LHFPL3: variants seen among roughly 807,000 people sequenced by gnomAD.
The protein encoded by LHFPL3 is LHFPL tetraspan subfamily member 3 protein.
LHFPL3 carries 5 observed loss-of-function variants against 19.3 expected under a neutral mutation model. The observed-to-expected ratio is 0.26, with a 90% CI of 0.14 to 0.54. LHFPL3 has a LOEUF of 0.54. Among genes scored for constraint, LHFPL3 ranks in the 20% least tolerant of loss-of-function variants. The pLI, the probability that LHFPL3 is intolerant of heterozygous loss-of-function variation, is 0.94. For synonymous variants in LHFPL3, 133 were observed against 126.2 expected, an observed-to-expected ratio of 1.05 and a Z score of -0.36; for missense variants, 249 against 307.4, an observed-to-expected ratio of 0.81 and a Z score of 1.42.
intron 1 of LHFPL3, among the ~76,000 whole-genome samples, chr7:104,474,775 A>G (rs1481041425): frequency 6.6e-6 from 1 of 152,144 alleles, no homozygotes; most frequent in Non-Finnish European, 1.5e-5. Flanking sequence ...GAATGAAATA[A>G]ATACTGAAAA....
intron 2 of LHFPL3, among the ~76,000 whole-genome samples, chr7:104,896,784 T>C (rs1459918322): frequency 6.6e-6 from 1 of 151,934 alleles, no homozygotes; most frequent in African/African-American, 2.4e-5. Context: ...AAGGTATCAC[T>C]GCTAAAAAGT....
Position 104,427,881 on chromosome 7 carries a change from T to TAAAC in LHFPL3, c.445+98657_445+98658insAAAC, listed in dbSNP as rs879708423. ...CTCAAAACACCTCGTGCATCAGTTTTTGCTGGTGATGAGCATCAGGAATGA... is the reference window on the plus strand; with the variant it reads ...CTCAAAACACCTCGTGCATCAGTTTTAAACTGCTGGTGATGAGCATCAGGAATGA... On this transcript the variant is annotated intron_variant, in intron 1 of 2. Transcript: ENST00000424859. Among the ~76,000 whole-genome samples, 404 of 152,354 alleles carry TAAAC rather than the reference T, an allele frequency of 2.7e-3. 12 individuals are homozygous for TAAAC. Among genetic ancestry groups the TAAAC allele is most frequent in the Admixed American group, 0.023 (351 of 15,310 alleles).
chr7:104,887,546 T>G (rs1360297469), intron 2 of LHFPL3, among the ~76,000 whole-genome samples: 2 of 152,218 alleles, frequency 1.3e-5, no homozygotes, highest in African/African-American at 4.8e-5. Context: ...GGGATGGTGA[T>G]TCCCTGGCAT....
intron 1 of LHFPL3, among the ~76,000 whole-genome samples, chr7:104,696,000 G>A (rs1205284634): frequency 6.6e-6 from 1 of 152,082 alleles, no homozygotes. Context: ...GCCCAGACTG[G>A]AGTGCAGTGG....
At chr7:104,414,173 T>G (rs1227837465) in intron 1 of LHFPL3, among the ~76,000 whole-genome samples, 1 of 152,120 alleles carries the variant, frequency 6.6e-6, no homozygotes, top group Admixed American at 6.5e-5. Context: ...GTATGAATAG[T>G]AGATGGAGAA....
In LHFPL3 at chr7:104,848,908, T is replaced by TTTG. The variant is rs576172307; in HGVS notation, c.683-57259_683-57257dup. Among the ~76,000 whole-genome samples the TTTG allele has an allele frequency of 8.8e-3, 1,323 of 151,126 alleles. 8 individuals carry two copies. Among genetic ancestry groups the TTTG allele is most frequent in the Admixed American group, 0.011 (173 of 15,240 alleles). Reference sequence around the variant, plus strand: ...CTTTTTTTGTTTTTTTGGTTTTTTTTTTGTTGTTGTTGTTGTTGTTGTAGA... The same window carrying TTTG: ...CTTTTTTTGTTTTTTTGGTTTTTTTTTTGTTGTTGTTGTTGTTGTTGTTGTAGA... On this transcript the variant is annotated intron_variant, in intron 2 of 2. Transcript: ENST00000424859.
At chr7:104,868,635 A>T (rs2116653582) in intron 2 of LHFPL3, among the ~76,000 whole-genome samples, 2 of 152,350 alleles carry the variant, frequency 1.3e-5, no homozygotes, top group South Asian at 4.1e-4. Flanking sequence ...AATATCGTGA[A>T]AATGGCCATA....
chr7:104,336,879 A>G (rs1014839051), intron 1 of LHFPL3, among the ~76,000 whole-genome samples: 5 of 152,040 alleles, frequency 3.3e-5, no homozygotes, highest in Non-Finnish European at 5.9e-5. Flanking sequence ...ATCTGAAAAG[A>G]GGCCCTAACT....
intron 1 of LHFPL3, among the ~76,000 whole-genome samples, chr7:104,672,910 A>C (rs1792513846): frequency 6.6e-6 from 1 of 150,910 alleles, no homozygotes. Flanking sequence ...TTTTTTCTCC[A>C]CTCAATCACT....
At chr7:104,521,559 GCTT>G (rs1794064150) in intron 1 of LHFPL3, among the ~76,000 whole-genome samples, 1 of 151,968 alleles carries the variant, frequency 6.6e-6, no homozygotes, top group Admixed American at 6.6e-5. Flanking sequence ...AAACTAAAGA[GCTT>G]CTGCACAGCA....
At chr7:104,698,703 G>A (rs1318688882) in intron 1 of LHFPL3, among the ~76,000 whole-genome samples, 2 of 152,070 alleles carry the variant, frequency 1.3e-5, no homozygotes, top group East Asian at 3.9e-4. Flanking sequence ...ATACATTATG[G>A]TACATCCAGA....
chr7:104,461,597 C>T (rs751521933), intron 1 of LHFPL3, among the ~76,000 whole-genome samples: 3 of 151,940 alleles, frequency 2.0e-5, no homozygotes, highest in Non-Finnish European at 4.4e-5. Flanking sequence ...ATGTTGTTTT[C>T]GTTACTGTAG....
intron 1 of LHFPL3, among the ~76,000 whole-genome samples, chr7:104,335,546 A>G (rs1396068291): frequency 6.6e-6 from 1 of 152,242 alleles, no homozygotes; most frequent in African/African-American, 2.4e-5. Context: ...TTAAGAAAAC[A>G]TCTGTGAAAA....
Position 104,459,077 on chromosome 7 carries a change from G to A in LHFPL3, c.445+129853G>A, listed in dbSNP as rs75683366. Among the ~76,000 whole-genome samples, 846 of 152,328 alleles carry A rather than the reference G, an allele frequency of 5.6e-3. 50 individuals are homozygous for A. The East Asian group carries it at 0.13, about 24-fold the overall frequency. On this transcript the variant is annotated intron_variant, in intron 1 of 2. Coordinates refer to ENST00000424859, the MANE Select transcript of LHFPL3 (RefSeq NM_199000.3). ...CATAGCACCAGGACCTCTGGGTAGCGCTTCTGCTCTGGCAGCTCAAGGTGG... is the reference window on the plus strand; with the variant it reads ...CATAGCACCAGGACCTCTGGGTAGCACTTCTGCTCTGGCAGCTCAAGGTGG...
At chr7:104,729,515 T>G (rs1414553052) in intron 1 of LHFPL3, among the ~76,000 whole-genome samples, 2 of 152,086 alleles carry the variant, frequency 1.3e-5, no homozygotes, top group Non-Finnish European at 2.9e-5. Flanking sequence ...CAGTCTCTAC[T>G]TATCCTTCTT....
intron 1 of LHFPL3, among the ~76,000 whole-genome samples, chr7:104,607,711 A>T (rs1791129713): frequency 6.6e-6 from 1 of 152,160 alleles, no homozygotes; most frequent in South Asian, 2.1e-4. Context: ...TGAATAGGCA[A>T]CCTACAAAAT....
At chr7:104,762,039 T>C (rs111820273) in intron 2 of LHFPL3, among the ~76,000 whole-genome samples, 1,714 of 152,266 alleles carry the variant, frequency 0.011, 26 homozygotes, top group East Asian at 0.054. Context: ...TAAAATGCAG[T>C]TTCTGATTCA....
At chr7:104,693,571 C>A (rs1792944293) in intron 1 of LHFPL3, among the ~76,000 whole-genome samples, 1 of 152,166 alleles carries the variant, frequency 6.6e-6, no homozygotes, top group Non-Finnish European at 1.5e-5. Context: ...AGGGCTTCCA[C>A]CTTCTTTCAG....
intron 1 of LHFPL3, among the ~76,000 whole-genome samples, chr7:104,671,623 T>C (rs1792485406): frequency 6.6e-6 from 1 of 151,188 alleles, no homozygotes; most frequent in African/African-American, 2.4e-5. Flanking sequence ...ACTTTTCCAC[T>C]ATAAGATCAT....
Sources: allele counts gnomAD v4.1 joint callset (sites outside exome capture counted in the v4.1 genomes callset), GRCh38; gene constraint gnomAD v4.1.1; transcripts MANE v1.5; gene names NCBI Gene and HGNC (gene_info 2026-07-23, HGNC 2026-07-21).